The following BCAR3 variants were observed in gnomAD, a reference collection of about 807,000 sequenced individuals.
The protein encoded by BCAR3 is BCAR3 adaptor protein, NSP family member.
BCAR3 carries 37 observed loss-of-function variants against 80.1 expected under a neutral mutation model. The ratio of observed to expected loss-of-function variants is 0.46; its 90% confidence interval spans 0.36 to 0.61. BCAR3 has a LOEUF of 0.61. Among genes scored for constraint, BCAR3 ranks in the 20% least tolerant of loss-of-function variants. The probability of loss-of-function intolerance (pLI) is 0.00; values close to 1 mark genes in which losing one functional copy is unlikely to be tolerated. For missense variants in BCAR3, 978 were observed against 1,068.2 expected, an observed-to-expected ratio of 0.92 and a Z score of 1.18; for synonymous variants, 389 against 418.9, an observed-to-expected ratio of 0.93 and a Z score of 0.87.
intron 2 of BCAR3, among the ~76,000 whole-genome samples, chr1:93,783,808 C>T (rs867625434): frequency 1.4e-4 from 22 of 152,224 alleles, no homozygotes; most frequent in Non-Finnish European, 2.9e-4. Context: ...CTTCCAGAAT[C>T]TTACCACCCT....
chr1:93,576,984 T>C (rs1449293795), intron 7 of BCAR3, among the ~76,000 whole-genome samples: 1 of 151,998 alleles, frequency 6.6e-6, no homozygotes, highest in African/African-American at 2.4e-5. Flanking sequence ...CGAGACCCCA[T>C]CTTTACAAAA....
chr1:93,618,918 C>T (rs888562770), intron 3 of BCAR3, among the ~76,000 whole-genome samples: 4 of 148,676 alleles, frequency 2.7e-5, no homozygotes, highest in African/African-American at 7.6e-5. Flanking sequence ...CAGCCTGAAG[C>T]CGTGGGTTTT....
intron 2 of BCAR3, among the ~76,000 whole-genome samples, chr1:93,724,843 C>T (rs2100674912): frequency 6.6e-6 from 1 of 152,354 alleles, no homozygotes; most frequent in South Asian, 2.1e-4. Context: ...TTTCTCTCCA[C>T]TTCCACCCAC....
chr1:93,718,425 C>T (rs1650264688), intron 2 of BCAR3, among the ~76,000 whole-genome samples: 1 of 152,110 alleles, frequency 6.6e-6, no homozygotes, highest in African/African-American at 2.4e-5. Context: ...CGATGCTGGG[C>T]CAGGACACAG....
At chr1:93,583,074 C>T (rs1273944477) in intron 6 of BCAR3, 121 bp from the exon 7 acceptor site, 3 of 1,205,262 alleles carry the variant, frequency 2.5e-6, no homozygotes, top group Non-Finnish European at 2.3e-6. Flanking sequence ...TTTTCATTTT[C>T]ATTTCCAAAA....
intron 2 of BCAR3, among the ~76,000 whole-genome samples, chr1:93,762,291 T>C (rs1651973896): frequency 6.9e-6 from 1 of 143,938 alleles, no homozygotes; most frequent in African/African-American, 2.8e-5. Context: ...AAAGCCTCCA[T>C]GCACATCAAC....
chr1:93,837,074 T>G (rs1389895054), intron 2 of BCAR3, among the ~76,000 whole-genome samples: 1 of 152,108 alleles, frequency 6.6e-6, no homozygotes, highest in Non-Finnish European at 1.5e-5. Flanking sequence ...TCTCTTCACA[T>G]GGATGCACAC....
intron 2 of BCAR3, among the ~76,000 whole-genome samples, chr1:93,826,654 T>C (rs1162685553): frequency 6.6e-6 from 1 of 152,100 alleles, no homozygotes; most frequent in African/African-American, 2.4e-5. Flanking sequence ...GGAGAATGTT[T>C]TGAGAAGGAA....
chr1:93,583,780 G>A (rs1223764643), intron 6 of BCAR3, among the ~76,000 whole-genome samples: 2 of 152,238 alleles, frequency 1.3e-5, no homozygotes, highest in Non-Finnish European at 2.9e-5. Flanking sequence ...TTCCTCAGCT[G>A]TGAAATGGCA....
chr1:93,592,268 T>A lies in BCAR3; in HGVS notation c.483A>T (p.Arg161=), dbSNP rs770945615. Reference sequence around the variant, plus strand: ...TGGAAGGGACAAGACCAGGTACCTGTCGGGGGATGCGGCCGTGGTACCAGG... The same window carrying A: ...TGGAAGGGACAAGACCAGGTACCTGACGGGGGATGCGGCCGTGGTACCAGG... The part of the protein sequence containing the change: ...SHAWYHGRIP[R]QVSENLVQRD... Residue 161 remains arginine, a synonymous_variant, in exon 4 of 12, where the codon CGA becomes CGT. Coordinates refer to ENST00000260502, the MANE Select transcript of BCAR3 (RefSeq NM_003567.4). The surrounding 1 kb of genome is among the most constrained non-coding windows in gnomAD (Gnocchi z 4.8). The A allele has an allele frequency of 1.9e-6, 3 of 1,613,328 alleles. No individual in the cohort carries two copies. The African/African-American group carries it at 4.0e-5, about 22-fold the overall frequency.
At chr1:93,607,568 C>T (rs1674811217) in intron 3 of BCAR3, among the ~76,000 whole-genome samples, 2 of 151,834 alleles carry the variant, frequency 1.3e-5, no homozygotes, top group Non-Finnish European at 2.9e-5. Flanking sequence ...CAAGCTCTCA[C>T]TCACTCCGCA....
chr1:93,834,147 G>A lies in BCAR3; in HGVS notation c.-63+11420C>T, dbSNP rs184003383. 5.5e-4 allele frequency among the ~76,000 whole-genome samples: 84 copies of A among 152,166 alleles called. 1 individual carries two copies. Among genetic ancestry groups the A allele is most frequent in the Non-Finnish European group, 1.0e-4 (7 of 68,020 alleles). ...ATGCCAATATCCCATCCCACAGCACGCTTTAAAAGGATTAAAGCCTGTTAT... is the reference window on the plus strand; with the variant it reads ...ATGCCAATATCCCATCCCACAGCACACTTTAAAAGGATTAAAGCCTGTTAT... On this transcript the variant is annotated intron_variant, in intron 2 of 13. Coordinates refer to the BCAR3 transcript ENST00000370244.
intron 3 of BCAR3, chr1:93,599,001 T>C (rs892094117): frequency 1.3e-5 from 2 of 152,078 alleles, no homozygotes; most frequent in African/African-American, 4.8e-5. Flanking sequence ...GTATGTTATG[T>C]ATTTTATATA....
intron 2 of BCAR3, among the ~76,000 whole-genome samples, chr1:93,800,533 G>A (rs1653441149): frequency 6.6e-6 from 1 of 152,066 alleles, no homozygotes; most frequent in Non-Finnish European, 1.5e-5. Context: ...CTGAGATTGT[G>A]CCACTGCACT....
intron 2 of BCAR3, among the ~76,000 whole-genome samples, chr1:93,722,799 C>T (rs1046728056): frequency 2.4e-4 from 37 of 151,974 alleles, no homozygotes; most frequent in East Asian, 3.9e-4. Context: ...TCTAGTCAGG[C>T]GAACAGGCCC....
At chr1:93,657,925 G>A (rs1647465884) in intron 2 of BCAR3, among the ~76,000 whole-genome samples, 1 of 151,180 alleles carries the variant, frequency 6.6e-6, no homozygotes, top group South Asian at 2.1e-4. Flanking sequence ...TCAGAAACAA[G>A]ACAGCATGTC....
intron 1 of BCAR3, chr1:93,846,755 G>C (rs536219235): frequency 2.4e-6 from 1 of 424,808 alleles, no homozygotes; most frequent in Admixed American, 2.8e-5. Flanking sequence ...GGGCGCGCGG[G>C]CTCGGGGCAG....
chr1:93,778,985 T>C (rs1652670478), intron 2 of BCAR3, among the ~76,000 whole-genome samples: 2 of 152,184 alleles, frequency 1.3e-5, no homozygotes, highest in African/African-American at 2.4e-5. Context: ...AATTTTCTGA[T>C]ACTAATCTCA....
Position 93,562,264 on chromosome 1 carries a change from G to A in BCAR3, c.2455C>T (p.Pro819Ser), listed in dbSNP as rs780958961. The A allele has an allele frequency of 1.1e-5, 18 of 1,613,846 alleles. No individual in the cohort carries two copies. Among genetic ancestry groups the A allele is most frequent in the Non-Finnish European group, 1.5e-5 (18 of 1,179,910 alleles). The change falls in exon 12 of 12, where the codon CCT becomes TCT. Residue 819 changes from proline to serine, a missense_variant. Transcript: ENST00000260502. ...TATCAAAGCTCTGCCTGCTTTACAG[G>A]AGGAGGTTCCAATTTACGCGAGAGG... ...TALSRKLEPPPVKQAEL is the reference protein window; with the variant it reads ...TALSRKLEPPSVKQAEL
Sources: gnomAD v4.1 joint callset for allele counts (sites outside exome capture counted in the v4.1 genomes callset) on GRCh38, gnomAD v4.1.1 for gene constraint, Gnocchi (gnomAD v3.1) non-coding constraint, MANE v1.5 for transcripts, NCBI Gene and HGNC (gene_info 2026-07-23, HGNC 2026-07-21) for gene names.